NEDD9: variants seen among roughly 807,000 people sequenced by gnomAD.
NEDD9 encodes the protein neural precursor cell expressed, developmentally down-regulated 9.
In NEDD9, 26 loss-of-function variants were observed where a neutral mutation model predicts 76.6. The ratio of observed to expected loss-of-function variants is 0.34; its 90% CI spans 0.25 to 0.47. NEDD9 has a LOEUF of 0.47. NEDD9 is among the 20% of genes least tolerant of loss of function. The probability of loss-of-function intolerance (pLI) is 1.00; values close to 1 mark genes in which losing one functional copy is unlikely to be tolerated. For missense variants in NEDD9, 937 were observed against 1,058.5 expected (o/e 0.89, Z 1.59); for synonymous variants, 392 against 414.2 (o/e 0.95, Z 0.65).
At chr6:11,312,700 A>G (rs1761411165) in intron 2 of NEDD9, among the ~76,000 whole-genome samples, 1 of 147,506 alleles carries the variant, frequency 6.8e-6, no homozygotes, top group South Asian at 2.1e-4. Flanking sequence ...TATTATATAT[A>G]TATATATATA....
chr6:11,195,613 A>T (rs1398872669), intron 2 of NEDD9, among the ~76,000 whole-genome samples: 1 of 152,222 alleles, frequency 6.6e-6, no homozygotes, highest in Non-Finnish European at 1.5e-5. Flanking sequence ...CCAAGAGTGG[A>T]TTTTATCCAA....
At chr6:11,291,610 T>C (rs1164707806) in intron 3 of NEDD9, among the ~76,000 whole-genome samples, 1 of 152,144 alleles carries the variant, frequency 6.6e-6, no homozygotes, top group African/African-American at 2.4e-5. Flanking sequence ...AAGCACTCCA[T>C]GTAAACCTAC....
intron 2 of NEDD9, among the ~76,000 whole-genome samples, chr6:11,194,882 C>T (rs752285163): frequency 1.3e-5 from 2 of 152,172 alleles, no homozygotes; most frequent in African/African-American, 4.8e-5. Flanking sequence ...TATATGTAAT[C>T]GTCCAAGGGC....
intron 3 of NEDD9, among the ~76,000 whole-genome samples, chr6:11,282,064 TA>T (rs1468809758): frequency 6.6e-6 from 1 of 152,204 alleles, no homozygotes; most frequent in Admixed American, 6.5e-5. Flanking sequence ...CTCAGAGAAT[TA>T]TATTATGTGA....
intron 1 of NEDD9, among the ~76,000 whole-genome samples, chr6:11,365,884 G>A (rs550042241): frequency 2.4e-4 from 36 of 152,170 alleles, no homozygotes; most frequent in African/African-American, 7.2e-4. Context: ...CCAACTACTC[G>A]GGGGGCTGAG....
At chr6:11,208,458 G>T (rs1758675154) in intron 2 of NEDD9, among the ~76,000 whole-genome samples, 1 of 152,192 alleles carries the variant, frequency 6.6e-6, no homozygotes, top group African/African-American at 2.4e-5. Context: ...CATGGGATTC[G>T]AGCAGCAGCG....
rs76731276 is a variant in NEDD9, at chr6:11,220,324, G to A, written c.13-6597C>T. On this transcript the variant is annotated intron_variant, in intron 1 of 6. Coordinates refer to ENST00000379446, the MANE Select transcript of NEDD9 (RefSeq NM_006403.4). Reference sequence around the variant, plus strand: ...TAGGAGTATCTTGGACCCCCCCGCCGAATCTTGACGTCATTCACTTTGCCC... The same window carrying A: ...TAGGAGTATCTTGGACCCCCCCGCCAAATCTTGACGTCATTCACTTTGCCC... 0.012 allele frequency among the ~76,000 whole-genome samples: 1,873 copies of A among 152,162 alleles called. 78 individuals are homozygous for A. In the East Asian group the frequency reaches 0.13, roughly 10 times the overall value.
intron 1 of NEDD9, among the ~76,000 whole-genome samples, chr6:11,359,388 A>G (rs1280232606): frequency 4.6e-5 from 7 of 152,272 alleles, no homozygotes; most frequent in Admixed American, 1.3e-4. Flanking sequence ...GTAAGAGGAT[A>G]GAGGAAGCCT....
intron 2 of NEDD9, among the ~76,000 whole-genome samples, chr6:11,309,715 C>T (rs1347200536): frequency 6.6e-6 from 1 of 152,160 alleles, no homozygotes; most frequent in African/African-American, 2.4e-5. Context: ...CACCACCCCT[C>T]TAAAACATTT....
intron 2 of NEDD9, among the ~76,000 whole-genome samples, chr6:11,210,766 G>GGAGAGAGAGA (rs147934321): frequency 0.035 from 4,310 of 121,852 alleles, 165 homozygotes; most frequent in African/African-American, 0.058. Flanking sequence ...AGGGATGGGG[G>GGAGAGAGAGA]GAGAGAGAGA....
At chr6:11,191,226 G>A (rs1472388080) in intron 4 of NEDD9, 21 bp from the exon 5 acceptor site, 17 of 1,554,716 alleles carry the variant, frequency 1.1e-5, no homozygotes, top group Middle Eastern at 1.7e-4. Flanking sequence ...AGTAGAAAGC[G>A]AAATGCTATT....
intron 1 of NEDD9, among the ~76,000 whole-genome samples, chr6:11,359,791 T>A (rs936515590): frequency 6.6e-6 from 1 of 152,252 alleles, no homozygotes; most frequent in Admixed American, 6.5e-5. Context: ...GTCTTTGTCA[T>A]GAAGATGTTC....
At chr6:11,231,796 A>G (rs1476965923) in intron 1 of NEDD9, among the ~76,000 whole-genome samples, 2 of 152,236 alleles carry the variant, frequency 1.3e-5, no homozygotes, top group East Asian at 3.8e-4. Context: ...TGCATTGGAA[A>G]ATAATGCTGC....
chr6:11,214,753 G>A (rs1169703118), intron 1 of NEDD9, among the ~76,000 whole-genome samples: 2 of 152,222 alleles, frequency 1.3e-5, no homozygotes, highest in Non-Finnish European at 2.9e-5. Flanking sequence ...AGAGCACAGC[G>A]AAGTCGGGGA....
intron 3 of NEDD9, among the ~76,000 whole-genome samples, chr6:11,248,502 A>G (rs189293210): frequency 6.6e-6 from 1 of 152,326 alleles, no homozygotes; most frequent in East Asian, 1.9e-4. Flanking sequence ...CCCCAAAAGT[A>G]TCCTAATAAG....
intron 1 of NEDD9, among the ~76,000 whole-genome samples, chr6:11,372,308 ATGT>A (rs1461602133): frequency 6.6e-6 from 1 of 152,150 alleles, no homozygotes; most frequent in Non-Finnish European, 1.5e-5. Context: ...AGTTCCATCC[ATGT>A]TGCTGCAAAT....
At chr6:11,261,387 T>G (rs1224733544) in intron 3 of NEDD9, among the ~76,000 whole-genome samples, 2 of 152,226 alleles carry the variant, frequency 1.3e-5, no homozygotes, top group Non-Finnish European at 2.9e-5. Context: ...CCTATGTCTT[T>G]GCATTCTTAG....
At chr6:11,215,998 G>A (rs1758943424) in intron 1 of NEDD9, among the ~76,000 whole-genome samples, 2 of 152,164 alleles carry the variant, frequency 1.3e-5, no homozygotes, top group Non-Finnish European at 2.9e-5. Context: ...CGTCCTGGGC[G>A]TTCTTTGTCT....
At chr6:11,225,132 TA>T (rs1409564890) in intron 1 of NEDD9, among the ~76,000 whole-genome samples, 1 of 151,922 alleles carries the variant, frequency 6.6e-6, no homozygotes, top group Non-Finnish European at 1.5e-5. Flanking sequence ...ATACACACAG[TA>T]AAAAAAGGAA....
Sources: gnomAD v4.1 joint callset for allele counts (sites outside exome capture counted in the v4.1 genomes callset) on GRCh38, gnomAD v4.1.1 for gene constraint, MANE v1.5 for transcripts, NCBI Gene and HGNC (gene_info 2026-07-23, HGNC 2026-07-21) for gene names.